The following NUF2 variants were observed in gnomAD, a reference collection of about 807,000 sequenced individuals.
The protein encoded by NUF2 is kinetochore protein Nuf2.
A neutral mutation model predicts 61.8 loss-of-function variants in NUF2; 34 were observed. The ratio of observed to expected loss-of-function variants is 0.55; its 90% confidence interval spans 0.42 to 0.73. NUF2 has a LOEUF of 0.73. NUF2 is among the 30% of genes least tolerant of loss of function. NUF2 has a pLI of 0.00. For missense variants in NUF2, 445 were observed against 539.1 expected, an observed-to-expected ratio of 0.83 and a Z score of 1.73; for synonymous variants, 172 against 181.6, an observed-to-expected ratio of 0.95 and a Z score of 0.42.
intron 13 of NUF2, among the ~76,000 whole-genome samples, chr1:163,352,031 C>A (rs1651337885): frequency 6.6e-6 from 1 of 152,160 alleles, no homozygotes; most frequent in Non-Finnish European, 1.5e-5. Context: ...CTGACCTTTT[C>A]TTCACTTTCT....
intron 5 of NUF2, among the ~76,000 whole-genome samples, chr1:163,331,102 A>C (rs1212788923): frequency 1.3e-5 from 2 of 150,390 alleles, no homozygotes; most frequent in African/African-American, 2.4e-5. Flanking sequence ...GAGAGCAGTC[A>C]TCATTACCTT....
At position 163,355,548 on chromosome 1, in the gene NUF2, G is replaced by A; in HGVS notation, c.*79G>A. ...TTTAGAAAGAAAAGTTGAAGCGAAT[G>A]GAAGTATCAGAAGTACCAAATAATG... On this transcript the variant is annotated 3_prime_UTR_variant, in exon 14 of 14. Transcript: ENST00000271452. 1 of 1,294,520 alleles carries A rather than the reference G, an allele frequency of 7.7e-7. No homozygotes were observed. Among genetic ancestry groups the A allele is most frequent in the Non-Finnish European group, 1.1e-6 (1 of 939,520 alleles). 80.2% of individuals were successfully genotyped at this position (1,294,520 alleles called of 1,614,324 possible).
intron 12 of NUF2, 60 bp from the exon 13 acceptor site, chr1:163,348,885 G>A (rs1651218981): frequency 6.4e-7 from 1 of 1,555,912 alleles, no homozygotes; most frequent in African/African-American, 1.4e-5. Context: ...AACTAGAATT[G>A]TGTTTGCCTT....
At chr1:163,335,961 T>A (rs1471368965) in intron 5 of NUF2, among the ~76,000 whole-genome samples, 1 of 152,228 alleles carries the variant, frequency 6.6e-6, no homozygotes, top group African/African-American at 2.4e-5. Flanking sequence ...CTTTTATTTC[T>A]TCATATTGCT....
intron 13 of NUF2, among the ~76,000 whole-genome samples, chr1:163,353,631 A>G (rs1375863814): frequency 6.6e-6 from 1 of 152,250 alleles, no homozygotes; most frequent in African/African-American, 2.4e-5. Flanking sequence ...AGGCCATCAC[A>G]GTAAAACTTA....
intron 13 of NUF2, among the ~76,000 whole-genome samples, chr1:163,353,384 C>G (rs554682821): frequency 9.9e-5 from 15 of 152,196 alleles, no homozygotes; most frequent in Admixed American, 2.6e-4. Context: ...CACTGTCCAA[C>G]AGAACTTTCT....
At chr1:163,341,454 C>T (rs552766936) in intron 9 of NUF2, among the ~76,000 whole-genome samples, 3 of 152,134 alleles carry the variant, frequency 2.0e-5, no homozygotes, top group African/African-American at 7.2e-5. Context: ...GTGATCCACC[C>T]GCCTTGGCCT....
chr1:163,340,957 C>T (rs371913436), intron 9 of NUF2, among the ~76,000 whole-genome samples: 215 of 152,190 alleles, frequency 1.4e-3, no homozygotes, highest in Non-Finnish European at 2.5e-3. Flanking sequence ...TACATACATA[C>T]ATTTCTGCAA....
rs552674409 is a variant in NUF2, at chr1:163,341,308, C to T, written c.669+882C>T. Among the ~76,000 whole-genome samples, 25 of 152,190 alleles carry T rather than the reference C, an allele frequency of 1.6e-4. No individual in the cohort carries two copies. The South Asian group carries it at 2.7e-3, about 16-fold the overall frequency. ...CACTGCAACCTCCACCTCCTGGGTT[C>T]GAGCGATTCTTCTGCCTCAGCCTCC... On this transcript the variant is annotated intron_variant, in intron 9 of 13. Coordinates refer to ENST00000271452, the MANE Select transcript of NUF2 (RefSeq NM_145697.3).
At position 163,326,127 on chromosome 1, in the gene NUF2, G is replaced by A. The variant is rs759096231; in HGVS notation, c.76G>A (p.Ala26Thr). 1.2e-6 allele frequency: 2 copies of A among 1,613,064 alleles called. No homozygotes were observed. Among genetic ancestry groups the A allele is most frequent in the East Asian group, 2.2e-5 (1 of 44,762 alleles). ...TATTCGCAATAAGATCTTAACAGGA[G>A]CTGATGGTAAAAACCTCACCAAGAA... Reference protein sequence around the residue: ...IHIRNKILTGADGKNLTKNDL... With the variant: ...IHIRNKILTGTDGKNLTKNDL... The change falls in exon 2 of 14, where the codon GCT (alanine) becomes ACT (threonine). Residue 26 changes from alanine to threonine, a missense_variant. Coordinates refer to ENST00000271452, the MANE Select transcript of NUF2 (RefSeq NM_145697.3).
chr1:163,322,172 C>G lies in NUF2; in HGVS notation c.-61C>G, dbSNP rs1017744875. ...TGGGCCTGGCGGTGTTTTCGTCGTG[C>G]TCAGCGGTGGGAGGAGGCGGAAGAA... On this transcript the variant is annotated 5_prime_UTR_variant, in exon 1 of 14. Coordinates refer to ENST00000271452, the MANE Select transcript of NUF2 (RefSeq NM_145697.3). 2 of 152,264 alleles carry G rather than the reference C, an allele frequency of 1.3e-5. No homozygotes were observed. The highest frequency in any genetic ancestry group is 2.9e-5 in the Non-Finnish European group (2 of 68,108). 9.4% of individuals were successfully genotyped at this position (152,264 alleles called of 1,614,324 possible).
At chr1:163,328,350 T>C in intron 4 of NUF2, 46 bp downstream of exon 4, 1 of 1,201,754 alleles carries the variant, frequency 8.3e-7, no homozygotes. Context: ...TTCGTATTTA[T>C]ATTACATTAA....
At chr1:163,323,023 G>A (rs890234854) in intron 1 of NUF2, 5 of 152,220 alleles carry the variant, frequency 3.3e-5, no homozygotes, top group African/African-American at 1.2e-4. Context: ...CTAACTTGGA[G>A]CAGAAATTTC....
At chr1:163,336,934 A>T in intron 6 of NUF2, 86 bp downstream of exon 6, 1 of 865,306 alleles carries the variant, frequency 1.2e-6, no homozygotes, top group South Asian at 1.5e-5. Flanking sequence ...TGATTGTCAT[A>T]GACAGCAAAT....
At chr1:163,325,646 G>A (rs558862766) in intron 1 of NUF2, among the ~76,000 whole-genome samples, 1 of 152,176 alleles carries the variant, frequency 6.6e-6, no homozygotes, top group African/African-American at 2.4e-5. Context: ...AGCTTCTGCT[G>A]ATGATGTTGC....
At chr1:163,350,352 GAATCAAATC>G (rs1651273590) in intron 13 of NUF2, among the ~76,000 whole-genome samples, 1 of 151,174 alleles carries the variant, frequency 6.6e-6, no homozygotes, top group South Asian at 2.1e-4. Flanking sequence ...CTTCTTAACC[GAATCAAATC>G]AATAAATATT....
At chr1:163,341,178 G>GA (rs199926185) in intron 9 of NUF2, among the ~76,000 whole-genome samples, 1,647 of 150,760 alleles carry the variant, frequency 0.011, 22 homozygotes, top group Middle Eastern at 0.065. Flanking sequence ...CTGTTACATT[G>GA]AAAAAAAAAT....
chr1:163,329,037 C>A, intron 5 of NUF2, 130 bp downstream of exon 5: 1 of 470,188 alleles, frequency 2.1e-6, no homozygotes, highest in Non-Finnish European at 3.8e-6. Context: ...AAAGTATATC[C>A]CATTTTTAAG....
intron 9 of NUF2, among the ~76,000 whole-genome samples, chr1:163,340,768 TAC>T (rs1355727524): frequency 6.6e-6 from 1 of 152,178 alleles, no homozygotes; most frequent in Non-Finnish European, 1.5e-5. Context: ...AGCGATATAA[TAC>T]AGTTATGAAT....
Sources: gnomAD v4.1 joint callset for allele counts (sites outside exome capture counted in the v4.1 genomes callset) on GRCh38, gnomAD v4.1.1 for gene constraint, MANE v1.5 for transcripts, NCBI Gene and HGNC (gene_info 2026-07-23, HGNC 2026-07-21) for gene names.